Variants in ZC3H11A observed in about 807,000 individuals in gnomAD.
ZC3H11A encodes the protein zinc finger CCCH domain-containing protein 11A.
In ZC3H11A, 22 loss-of-function variants were observed where a neutral mutation model predicts 90.8. The ratio of observed to expected loss-of-function variants is 0.24; its 90% confidence interval spans 0.17 to 0.35. The LOEUF (loss-of-function observed/expected upper bound fraction) is 0.35, where lower values mean the gene tolerates loss of function less well. ZC3H11A is among the 10% of genes least tolerant of loss of function. The probability of loss-of-function intolerance (pLI) is 1.00; values close to 1 mark genes in which losing one functional copy is unlikely to be tolerated. For synonymous variants in ZC3H11A, 294 were observed against 339.8 expected, an observed-to-expected ratio of 0.87 and a Z score of 1.48; for missense variants, 701 against 964.9, an observed-to-expected ratio of 0.73 and a Z score of 3.62.
Position 203,818,645 on chromosome 1 carries a change from C to T in ZC3H11A, c.130C>T (p.Arg44Cys), listed in dbSNP as rs756737435. The change falls in exon 4 of 18, where the codon CGC becomes TGC. Residue 44 changes from arginine to cysteine, a missense_variant. Coordinates refer to ENST00000367210, the MANE Select transcript of ZC3H11A (RefSeq NM_001376342.1). ...ETVCTLWQEG[R>C]CFRQVCRFRH... ...TGTTTGCACATTATGGCAAGAAGGGCGCTGTTTTCGACAGGTGTGCAGGTT... is the reference window on the plus strand; with the variant it reads ...TGTTTGCACATTATGGCAAGAAGGGTGCTGTTTTCGACAGGTGTGCAGGTT... 3 of 1,614,098 alleles carry T rather than the reference C, an allele frequency of 1.9e-6. No homozygotes were observed. Among genetic ancestry groups the T allele is most frequent in the East Asian group, 2.2e-5 (1 of 44,880 alleles).
At chr1:203,841,724 G>C (rs1686282850) in intron 12 of ZC3H11A, among the ~76,000 whole-genome samples, 1 of 152,066 alleles carries the variant, frequency 6.6e-6, no homozygotes, top group Admixed American at 6.5e-5. Flanking sequence ...TTCCCAGATA[G>C]GGCGGCCGGG....
chr1:203,808,763 T>C (rs1255189847), intron 2 of ZC3H11A, among the ~76,000 whole-genome samples: 1 of 152,158 alleles, frequency 6.6e-6, no homozygotes, highest in Admixed American at 6.5e-5. Flanking sequence ...GGCTGGAAAT[T>C]AGAGTCTTCA....
intron 1 of ZC3H11A, 136 bp from the exon 2 acceptor site, chr1:203,801,439 T>G (rs1425486158): frequency 1.3e-5 from 2 of 152,212 alleles, no homozygotes; most frequent in Non-Finnish European, 2.9e-5. Flanking sequence ...CATTTTAAGA[T>G]CCCTTTCTAC....
At chr1:203,798,858 T>C in intron 1 of ZC3H11A, 2 of 1,536,120 alleles carry the variant, frequency 1.3e-6, no homozygotes, top group Non-Finnish European at 8.7e-7. Context: ...TGATTATAGG[T>C]TGCCATCAGA....
intron 1 of ZC3H11A, chr1:203,800,919 A>G (rs1458251795): frequency 1.3e-5 from 2 of 152,580 alleles, no homozygotes; most frequent in East Asian, 1.9e-4. Flanking sequence ...ACAACTTGGC[A>G]AAAAGAAAAC....
At chr1:203,845,220 T>C (rs923400018) in intron 12 of ZC3H11A, among the ~76,000 whole-genome samples, 4 of 152,208 alleles carry the variant, frequency 2.6e-5, no homozygotes, top group Non-Finnish European at 4.4e-5. Flanking sequence ...TTATTTCTCA[T>C]TGCTGGTGTG....
chr1:203,836,537 CAGGA>C (rs1684403171), intron 10 of ZC3H11A, among the ~76,000 whole-genome samples: 1 of 152,196 alleles, frequency 6.6e-6, no homozygotes, highest in Non-Finnish European at 1.5e-5. Flanking sequence ...ATCACAAGGT[CAGGA>C]GTTCGAGACC....
chr1:203,798,812 C>T, intron 1 of ZC3H11A: 2 of 1,536,100 alleles, frequency 1.3e-6, no homozygotes, highest in Non-Finnish European at 1.7e-6. Context: ...ATTTCTCAAC[C>T]CCAGCCTTTC....
At chr1:203,843,398 G>T (rs1687015973) in intron 12 of ZC3H11A, among the ~76,000 whole-genome samples, 1 of 152,124 alleles carries the variant, frequency 6.6e-6, no homozygotes, top group Non-Finnish European at 1.5e-5. Flanking sequence ...ATTTGTATTA[G>T]ATAGATGTTG....
rs184503842 is a variant in ZC3H11A at position 203,819,762 on chromosome 1, G to C, written c.174+1073G>C. On this transcript the variant is annotated intron_variant, in intron 4 of 17. Transcript: ENST00000367210. ...CTGGTCAGGCTGGTCTCGAACTCCT[G>C]ATCTCTGGTGATCCACTTGCCTCGG... 1.9e-3 allele frequency among the ~76,000 whole-genome samples: 281 copies of C among 149,080 alleles called. 2 individuals are homozygous for C. The highest frequency in any genetic ancestry group is 6.6e-3 in the African/African-American group (267 of 40,592).
intron 2 of ZC3H11A, among the ~76,000 whole-genome samples, chr1:203,812,051 A>T (rs1674658893): frequency 6.6e-6 from 1 of 152,042 alleles, no homozygotes; most frequent in Non-Finnish European, 1.5e-5. Context: ...TACTGACCTC[A>T]AGTGATCCAC....
chr1:203,804,323 T>G (rs969831658), intron 2 of ZC3H11A, among the ~76,000 whole-genome samples: 1 of 152,022 alleles, frequency 6.6e-6, no homozygotes, highest in Admixed American at 6.6e-5. Flanking sequence ...GGCTAACTTT[T>G]TTGTATTTTT....
intron 1 of ZC3H11A, chr1:203,799,211 T>C: frequency 1.0e-6 from 1 of 995,174 alleles, no homozygotes; most frequent in South Asian, 1.4e-5. Flanking sequence ...TCATTGTTTC[T>C]GACAATTCCT....
At chr1:203,842,480 C>T (rs1271889425) in intron 12 of ZC3H11A, among the ~76,000 whole-genome samples, 1 of 152,066 alleles carries the variant, frequency 6.6e-6, no homozygotes, top group Non-Finnish European at 1.5e-5. Context: ...CGCCTGCAAT[C>T]CCAGGCACTC....
chr1:203,839,343 GGAATTA>G (rs1365078993), intron 11 of ZC3H11A, among the ~76,000 whole-genome samples: 4 of 152,112 alleles, frequency 2.6e-5, no homozygotes, highest in Non-Finnish European at 1.5e-5. Flanking sequence ...CGCCCCTCAG[GGAATTA>G]GAATTCTTTA....
intron 1 of ZC3H11A, chr1:203,801,117 ATAT>A (rs1670434604): frequency 6.6e-6 from 1 of 152,192 alleles, no homozygotes; most frequent in Non-Finnish European, 1.5e-5. Context: ...CCTTTATAAA[ATAT>A]TATAAAAATA....
At chr1:203,803,301 C>T (rs968254624) in intron 2 of ZC3H11A, among the ~76,000 whole-genome samples, 9 of 151,952 alleles carry the variant, frequency 5.9e-5, no homozygotes, top group African/African-American at 2.2e-4. Context: ...AAGCAGTTCT[C>T]CTGCCTCAGC....
At chr1:203,815,684 C>G (rs951788243) in intron 2 of ZC3H11A, among the ~76,000 whole-genome samples, 1 of 152,110 alleles carries the variant, frequency 6.6e-6, no homozygotes, top group African/African-American at 2.4e-5. Flanking sequence ...GACTCTTAAT[C>G]CAGGTTGTTA....
At chr1:203,814,753 C>G (rs555152566) in intron 2 of ZC3H11A, among the ~76,000 whole-genome samples, 3 of 152,142 alleles carry the variant, frequency 2.0e-5, no homozygotes, top group African/African-American at 7.2e-5. Context: ...TGGTTTTTTA[C>G]AGCAGCATTC....
Sources: gnomAD v4.1 joint callset for allele counts (sites outside exome capture counted in the v4.1 genomes callset) on GRCh38, gnomAD v4.1.1 for gene constraint, MANE v1.5 for transcripts, NCBI Gene and HGNC (gene_info 2026-07-23, HGNC 2026-07-21) for gene names.